DIPK1A: variants seen among roughly 807,000 people sequenced by gnomAD.
The protein encoded by DIPK1A is family with sequence similarity 69 member A.
Under a neutral mutation model 40.8 loss-of-function variants are expected in DIPK1A, and 27 were observed. The ratio of observed to expected loss-of-function variants is 0.66; its 90% CI spans 0.49 to 0.91. The LOEUF is 0.91. Among genes scored for constraint, DIPK1A ranks in the 40% least tolerant of loss-of-function variants. The pLI is 0.00. For missense variants in DIPK1A, 412 were observed against 505.7 expected (o/e 0.81, Z 1.78); for synonymous variants, 166 against 171.3 (o/e 0.97, Z 0.24).
At chr1:92,959,596 C>T (rs1313452834) in intron 1 of DIPK1A, among the ~76,000 whole-genome samples, 1 of 151,472 alleles carries the variant, frequency 6.6e-6, no homozygotes, top group Non-Finnish European at 1.5e-5. Flanking sequence ...GGACTACAGG[C>T]GCCCGCCACC....
chr1:92,924,300 C>T (rs1436457911), intron 1 of DIPK1A, among the ~76,000 whole-genome samples: 1 of 150,998 alleles, frequency 6.6e-6, no homozygotes, highest in Non-Finnish European at 1.5e-5. Flanking sequence ...TTACTTCTTC[C>T]TTTTTAATCT....
chr1:92,853,004 T>C (rs1687871897), intron 2 of DIPK1A, among the ~76,000 whole-genome samples: 1 of 152,158 alleles, frequency 6.6e-6, no homozygotes, highest in Non-Finnish European at 1.5e-5. Context: ...ATCACACGAC[T>C]GTACTCCAGC....
downstream of DIPK1A, chr1:92,837,619 G>T: frequency 6.2e-7 from 1 of 1,611,832 alleles, no homozygotes; most frequent in Non-Finnish European, 8.5e-7. Context: ...AAAGAACAGC[G>T]TAACTCCAGA....
At chr1:92,891,523 C>A (rs376015468) in intron 1 of DIPK1A, among the ~76,000 whole-genome samples, 2 of 151,904 alleles carry the variant, frequency 1.3e-5, no homozygotes, top group Non-Finnish European at 2.9e-5. Flanking sequence ...TAAAAAATTT[C>A]GGGGTGGAGC....
chr1:92,937,754 T>G (rs1437731599), intron 1 of DIPK1A, among the ~76,000 whole-genome samples: 1 of 152,174 alleles, frequency 6.6e-6, no homozygotes, highest in East Asian at 1.9e-4. Context: ...GGTAAAATGG[T>G]GTTCCTTGAG....
downstream of DIPK1A, chr1:92,840,237 C>G (rs879864791): frequency 1.5e-5 from 5 of 326,256 alleles, no homozygotes; most frequent in African/African-American, 8.7e-5. Flanking sequence ...TCTCAAACTC[C>G]TGGGCTGAAG....
intron 1 of DIPK1A, among the ~76,000 whole-genome samples, chr1:92,915,241 C>T (rs1650007168): frequency 6.6e-6 from 1 of 152,130 alleles, no homozygotes; most frequent in Admixed American, 6.5e-5. Context: ...CTGTAGATCT[C>T]TCTCCACTAC....
At chr1:92,837,384 T>C (rs1398703443), downstream of DIPK1A, 1 of 1,299,316 alleles carries the variant, frequency 7.7e-7, no homozygotes, top group African/African-American at 1.5e-5. Flanking sequence ...TGATGGCAGC[T>C]ACTAAAGTAA....
At chr1:92,914,279 A>C (rs1482361003) in intron 1 of DIPK1A, among the ~76,000 whole-genome samples, 1 of 152,012 alleles carries the variant, frequency 6.6e-6, no homozygotes, top group Non-Finnish European at 1.5e-5. Flanking sequence ...GGGGAAAAAA[A>C]CCCACAGTGT....
chr1:92,952,297 A>G (rs2100912824), intron 1 of DIPK1A, among the ~76,000 whole-genome samples: 1 of 152,314 alleles, frequency 6.6e-6, no homozygotes. Flanking sequence ...TAAGTAAATT[A>G]CAGACATTAT....
intron 1 of DIPK1A, among the ~76,000 whole-genome samples, chr1:92,949,223 AC>A (rs1192333848): frequency 6.6e-6 from 1 of 152,080 alleles, no homozygotes; most frequent in East Asian, 1.9e-4. Context: ...AACTTAAAAA[AC>A]TTAATAAAGT....
rs2774948 is a variant in DIPK1A at position 92,884,081 on chromosome 1, T to A, written c.55-7651A>T. 3.1e-3 allele frequency among the ~76,000 whole-genome samples: 473 copies of A among 152,334 alleles called. 6 individuals are homozygous for A. The highest frequency in any genetic ancestry group is 0.011 in the African/African-American group (449 of 41,572). On this transcript the variant is annotated intron_variant, in intron 1 of 4. Transcript: ENST00000370310. ...TTGACTGAAAACAGTTCTCATTCCATATGATGGGCTCAATAACTATCAGCA... is the reference window on the plus strand; with the variant it reads ...TTGACTGAAAACAGTTCTCATTCCAAATGATGGGCTCAATAACTATCAGCA...
At chr1:92,917,237 A>G in intron 1 of DIPK1A, among the ~76,000 whole-genome samples, 1 of 152,120 alleles carries the variant, frequency 6.6e-6, no homozygotes, top group African/African-American at 2.4e-5. Flanking sequence ...CTATATATAG[A>G]TTTTTTAGAT....
At chr1:92,959,389 A>G (rs1651969447) in intron 1 of DIPK1A, among the ~76,000 whole-genome samples, 1 of 151,588 alleles carries the variant, frequency 6.6e-6, no homozygotes, top group Non-Finnish European at 1.5e-5. Flanking sequence ...TGATGGGCAT[A>G]TGACAGTTCA....
intron 4 of DIPK1A, among the ~76,000 whole-genome samples, chr1:92,834,616 T>C (rs1344331153): frequency 2.0e-5 from 3 of 152,244 alleles, no homozygotes; most frequent in Non-Finnish European, 4.4e-5. Flanking sequence ...CTTTGACTTT[T>C]TAAGCACCTC....
chr1:92,901,096 G>A (rs139648883), intron 1 of DIPK1A, among the ~76,000 whole-genome samples: 2 of 152,208 alleles, frequency 1.3e-5, no homozygotes, highest in African/African-American at 4.8e-5. Context: ...AGCAATAACT[G>A]CAGACACCTC....
chr1:92,934,425 T>C (rs1179239576), intron 1 of DIPK1A, among the ~76,000 whole-genome samples: 3 of 152,172 alleles, frequency 2.0e-5, no homozygotes, highest in Middle Eastern at 3.2e-3. Context: ...CAATTTTCCA[T>C]AAAAGTTTTT....
chr1:92,929,939 G>T (rs1005874787), intron 1 of DIPK1A, among the ~76,000 whole-genome samples: 1 of 152,290 alleles, frequency 6.6e-6, no homozygotes, highest in South Asian at 2.1e-4. Flanking sequence ...GGAAGAAAGA[G>T]TTAAGCCAAC....
chr1:92,894,561 A>G (rs1320238245), intron 1 of DIPK1A, among the ~76,000 whole-genome samples: 1 of 152,102 alleles, frequency 6.6e-6, no homozygotes, highest in Non-Finnish European at 1.5e-5. Flanking sequence ...GGAAAGATCT[A>G]AAATTGACAC....
Sources: gnomAD v4.1 joint callset for allele counts (sites outside exome capture counted in the v4.1 genomes callset) on GRCh38, gnomAD v4.1.1 for gene constraint, MANE v1.5 for transcripts, NCBI Gene and HGNC (gene_info 2026-07-23, HGNC 2026-07-21) for gene names.